The following RASAL1 variants were observed in gnomAD, a reference collection of about 807,000 sequenced individuals.
RASAL1 encodes rasGAP-activating-like protein 1.
Under a neutral mutation model 96.6 loss-of-function variants are expected in RASAL1, and 72 were observed. That is an observed-to-expected ratio of 0.75 (90% CI 0.62 to 0.91). RASAL1 has a LOEUF of 0.91. Ranked by LOEUF, RASAL1 falls within the 40% of genes least tolerant of loss-of-function variation. RASAL1 has a pLI of 0.00. For missense variants in RASAL1, 1,016 were observed against 1,072.5 expected (o/e 0.95, Z 0.74); for synonymous variants, 405 against 430.4 (o/e 0.94, Z 0.73).
intron 13 of RASAL1, among the ~76,000 whole-genome samples, chr12:113,110,449 T>G (rs1020683271): frequency 6.6e-6 from 1 of 152,216 alleles, no homozygotes; most frequent in Non-Finnish European, 1.5e-5. Context: ...ACGTAAGAGT[T>G]CATCTCACCT....
chr12:113,125,865 G>T (rs73207092), intron 4 of RASAL1, among the ~76,000 whole-genome samples: 1,636 of 152,296 alleles, frequency 0.011, 13 homozygotes, highest in Middle Eastern at 0.02. Context: ...CATCAGTAGG[G>T]AACTAGCCAA....
rs757109627 is a variant in RASAL1, at chr12:113,117,109, C to T, written c.695G>A (p.Arg232His). 37 of 1,610,426 alleles carry T rather than the reference C, an allele frequency of 2.3e-5. No homozygotes were observed. Among genetic ancestry groups the T allele is most frequent in the South Asian group, 1.9e-4 (17 of 90,696 alleles). ...LQQKPPKGWF[R>H]LLPFPRAEED... ...CTCGGCTCTGGGAAAGGGCAGGAGG[C>T]GGAACCAGCCTTTAGGTGGCTTCTG... is the stretch of plus-strand genomic sequence containing the variant. Residue 232 changes from arginine (R) to histidine (H), a missense_variant, in exon 8 of 21, where the codon CGC becomes CAC. Arg to His is a conservative substitution (Grantham distance 29, BLOSUM62 0). Coordinates refer to ENST00000548055, the MANE Select transcript of RASAL1 (RefSeq NM_001301202.2).
At chr12:113,114,031 A>C (rs942860984) in intron 12 of RASAL1, among the ~76,000 whole-genome samples, 1 of 152,240 alleles carries the variant, frequency 6.6e-6, no homozygotes, top group African/African-American at 2.4e-5. Context: ...TGTGGAGCAC[A>C]TGCATGACTC....
chr12:113,128,295 C>G (rs1183202213), intron 2 of RASAL1, 117 bp from the exon 3 acceptor site: 2 of 669,712 alleles, frequency 3.0e-6, no homozygotes, highest in East Asian at 2.7e-5. Context: ...AATCCAGACA[C>G]ACACACACTC....
At chr12:113,104,400 G>A (rs1181127960) in intron 16 of RASAL1, 102 bp from the exon 17 acceptor site, 6 of 1,214,708 alleles carry the variant, frequency 4.9e-6, no homozygotes, top group South Asian at 1.5e-5. Flanking sequence ...AGTTCCCAGC[G>A]GCGGGACATT....
At chr12:113,116,615 G>A (rs1469446675) in intron 8 of RASAL1, among the ~76,000 whole-genome samples, 4 of 152,246 alleles carry the variant, frequency 2.6e-5, no homozygotes, top group Non-Finnish European at 4.4e-5. Context: ...AGAGTGGATA[G>A]ATGTGGCCAG....
Position 113,128,142 on chromosome 12 carries a change from C to A in RASAL1, c.159G>T (p.Trp53Cys), listed in dbSNP as rs150844584. 1.9e-5 allele frequency: 30 copies of A among 1,613,738 alleles called. No individual in the cohort carries two copies. The highest frequency in any genetic ancestry group is 1.1e-4 in the East Asian group (5 of 44,894). Residue 53 changes from tryptophan (W) to cysteine (C), a missense_variant, in exon 3 of 21, where the codon TGG becomes TGT. By Grantham distance (215) the Trp-to-Cys change is radical. Transcript: ENST00000548055. Reference protein sequence around the residue: ...ATVWRSLGPFWGEEYTVHLPL... With the variant: ...ATVWRSLGPFCGEEYTVHLPL... The stretch of plus-strand genomic sequence containing the variant: ...GCAGGTGCACCGTGTACTCCTCCCC[C>A]CAGAAGGGGCCCAGGCTCCTCCAGA...
chr12:113,106,011 G>A, intron 15 of RASAL1, 125 bp from the exon 16 acceptor site: 1 of 1,027,102 alleles, frequency 9.7e-7, no homozygotes. Context: ...CTAGAGGCAG[G>A]AGGATGAGCG....
chr12:113,104,628 A>G (rs1351034139), intron 16 of RASAL1, among the ~76,000 whole-genome samples: 1 of 151,992 alleles, frequency 6.6e-6, no homozygotes, highest in Non-Finnish European at 1.5e-5. Context: ...CAGCCTCCCA[A>G]GTAGCTGGGA....
chr12:113,134,835 G>A (rs1390727432), intron 1 of RASAL1, among the ~76,000 whole-genome samples: 2 of 152,104 alleles, frequency 1.3e-5, no homozygotes, highest in South Asian at 2.1e-4. Context: ...AGGCCCACAC[G>A]AGGCTGGGAG....
At chr12:113,121,972 C>T (rs780237199) in intron 4 of RASAL1, among the ~76,000 whole-genome samples, 3 of 152,174 alleles carry the variant, frequency 2.0e-5, no homozygotes, top group Non-Finnish European at 4.4e-5. Flanking sequence ...ATCCACCCAC[C>T]TTGGCCTCCC....
At chr12:113,101,800 A>G in intron 19 of RASAL1, 89 bp downstream of exon 19, 3 of 1,480,508 alleles carry the variant, frequency 2.0e-6, no homozygotes, top group Non-Finnish European at 1.8e-6. Flanking sequence ...ACACATGGGA[A>G]GAATGAATAA....
At position 113,130,057 on chromosome 12, in the gene RASAL1, C is replaced by T. The variant is rs1239500095; in HGVS notation, c.122+828G>A. Among the ~76,000 whole-genome samples the T allele has an allele frequency of 6.6e-6, 1 of 151,932 alleles. No individual in the cohort carries two copies. The highest frequency in any genetic ancestry group is 1.5e-5 in the Non-Finnish European group (1 of 67,942). ...ACCCCTCCCCCAGGCAGGCTCCCCACCCCCAGCTCTGAGCCCATCTGGACC... is the reference window on the plus strand; with the variant it reads ...ACCCCTCCCCCAGGCAGGCTCCCCATCCCCAGCTCTGAGCCCATCTGGACC... On this transcript the variant is annotated intron_variant, in intron 2 of 20. Transcript: ENST00000548055. This position sits in a 1 kb window ranked among gnomAD's most constrained non-coding sequence, Gnocchi z 5.1.
At chr12:113,102,080 G>C (rs374128392) in intron 18 of RASAL1, 71 bp from the exon 19 acceptor site, 1 of 1,542,972 alleles carries the variant, frequency 6.5e-7, no homozygotes, top group East Asian at 2.3e-5. Context: ...CCAGGCATTC[G>C]CCAAGCCGTG....
In RASAL1 at chr12:113,105,839, G is replaced by C; in HGVS notation, c.1705C>G (p.Arg569Gly). 1 of 1,614,072 alleles carries C rather than the reference G, an allele frequency of 6.2e-7. No individual in the cohort carries two copies. ...RALFPPSAIVREGYLLKRKEE... is the reference protein window; with the variant it reads ...RALFPPSAIVGEGYLLKRKEE... ...TTGCGCTTCAGCAGATAGCCTTCTC[G>C]AACAATGGCCGAGGGCGGGAACAGG... The change falls in exon 16 of 21, where the codon CGA becomes GGA. Residue 569 changes from arginine to glycine, a missense_variant. Arg to Gly is a moderately radical substitution (Grantham distance 125, BLOSUM62 -2). Transcript: ENST00000548055.
chr12:113,105,038 C>A (rs1036514999), intron 16 of RASAL1, among the ~76,000 whole-genome samples: 1 of 152,220 alleles, frequency 6.6e-6, no homozygotes, highest in African/African-American at 2.4e-5. Context: ...AAAATTGGAA[C>A]CCAGAGAACT....
At chr12:113,108,023 C>T in intron 14 of RASAL1, 62 bp downstream of exon 14, 2 of 1,551,122 alleles carry the variant, frequency 1.3e-6, no homozygotes, top group Admixed American at 2.1e-5. Flanking sequence ...CCCAGCTCTG[C>T]TCCTACCATG....
intron 2 of RASAL1, 78 bp from the exon 3 acceptor site, chr12:113,128,256 A>G: frequency 1.4e-6 from 1 of 714,504 alleles, no homozygotes; most frequent in Non-Finnish European, 2.4e-6. Flanking sequence ...ACACACACAC[A>G]CACACACACA....
At chr12:113,100,113 C>T in intron 20 of RASAL1, 45 bp from the exon 21 acceptor site, 1 of 1,532,224 alleles carries the variant, frequency 6.5e-7, no homozygotes. Flanking sequence ...CAGTCCAGGG[C>T]AGGCTGCTGT....
Sources: allele counts gnomAD v4.1 joint callset (sites outside exome capture counted in the v4.1 genomes callset), GRCh38; gene constraint gnomAD v4.1.1; non-coding constraint Gnocchi (gnomAD v3.1); transcripts MANE v1.5; gene names NCBI Gene and HGNC (gene_info 2026-07-23, HGNC 2026-07-21).